The following PARD3B variants were observed in gnomAD, a reference collection of about 807,000 sequenced individuals.
The protein encoded by PARD3B is par-3 family cell polarity regulator beta.
PARD3B carries 103 observed loss-of-function variants against 130.2 expected under a neutral mutation model. That is an observed-to-expected ratio of 0.79 (90% CI 0.67 to 0.93). PARD3B has a LOEUF of 0.93. Among genes scored for constraint, PARD3B ranks in the 40% least tolerant of loss-of-function variants. The pLI, the probability that PARD3B is intolerant of heterozygous loss-of-function variation, is 0.00. For missense variants in PARD3B, 1,609 were observed against 1,499.2 expected (o/e 1.07, Z -1.21); for synonymous variants, 583 against 553.2 (o/e 1.05, Z -0.76).
chr2:205,180,822 G>A (rs2035747326), intron 13 of PARD3B, among the ~76,000 whole-genome samples: 1 of 152,126 alleles, frequency 6.6e-6, no homozygotes, highest in Non-Finnish European at 1.5e-5. Context: ...AGCAATGCCG[G>A]TAGTGAAATA....
chr2:204,923,601 A>T (rs192701309), intron 2 of PARD3B, among the ~76,000 whole-genome samples: 1 of 152,208 alleles, frequency 6.6e-6, no homozygotes, highest in East Asian at 1.9e-4. Flanking sequence ...TAGGAAGGCA[A>T]TGTCTTAAAA....
chr2:205,464,151 T>C (rs1257076453), intron 20 of PARD3B, among the ~76,000 whole-genome samples: 1 of 152,110 alleles, frequency 6.6e-6, no homozygotes, highest in Non-Finnish European at 1.5e-5. Flanking sequence ...ATTCTGTACA[T>C]CTGGCTCTAT....
chr2:204,714,573 C>T (rs145176816), intron 2 of PARD3B, among the ~76,000 whole-genome samples: 7 of 152,230 alleles, frequency 4.6e-5, no homozygotes, highest in South Asian at 4.1e-4. Flanking sequence ...TTCCTTTCCA[C>T]AAAGAAAGAA....
At position 204,943,012 on chromosome 2, in the gene PARD3B, G is replaced by GGT. The variant is rs1689031470; in HGVS notation, c.223-22140_223-22139insGT. Among the ~76,000 whole-genome samples the GGT allele has an allele frequency of 6.6e-6, 1 of 151,144 alleles. No homozygotes were observed. Among genetic ancestry groups the GGT allele is most frequent in the Non-Finnish European group, 1.5e-5 (1 of 67,990 alleles). On this transcript the variant is annotated intron_variant, in intron 2 of 22. Coordinates refer to ENST00000406610, the MANE Select transcript of PARD3B (RefSeq NM_001302769.2). The surrounding 1 kb of genome is among the most constrained non-coding windows in gnomAD (Gnocchi z 4.2). The stretch of plus-strand genomic sequence containing the variant: ...TTACCTCCAGAACCAGGCTGCACAT[G>GGT]TCCCCCTGAAAAATAAAAATTAAAA...
chr2:205,163,470 G>A (rs762458002), intron 11 of PARD3B, among the ~76,000 whole-genome samples: 2 of 152,192 alleles, frequency 1.3e-5, no homozygotes, highest in Non-Finnish European at 2.9e-5. Flanking sequence ...TGATTCTTGT[G>A]TGCTTAGGAA....
chr2:205,165,421 A>G (rs2034751652), intron 11 of PARD3B, among the ~76,000 whole-genome samples: 1 of 152,190 alleles, frequency 6.6e-6, no homozygotes, highest in Admixed American at 6.6e-5. Context: ...ATATTTTTCC[A>G]GAATGATTTT....
At chr2:204,795,725 A>G (rs956621955) in intron 2 of PARD3B, among the ~76,000 whole-genome samples, 1 of 152,208 alleles carries the variant, frequency 6.6e-6, no homozygotes, top group African/African-American at 2.4e-5. Flanking sequence ...TTAAGCTCGT[A>G]TTGAGACAAT....
At chr2:205,404,064 A>G (rs552013207) in intron 19 of PARD3B, among the ~76,000 whole-genome samples, 1 of 152,332 alleles carries the variant, frequency 6.6e-6, no homozygotes, top group South Asian at 2.1e-4. Context: ...TATAAAAACT[A>G]TTAAAACCAT....
chr2:204,930,205 T>C (rs1166174130), intron 2 of PARD3B, among the ~76,000 whole-genome samples: 1 of 151,952 alleles, frequency 6.6e-6, no homozygotes, highest in East Asian at 1.9e-4. Flanking sequence ...ATTCTATGTT[T>C]TTTTTTTCCT....
At chr2:205,570,020 T>C (rs193246970) in intron 22 of PARD3B, among the ~76,000 whole-genome samples, 181 of 152,206 alleles carry the variant, frequency 1.2e-3, no homozygotes, top group African/African-American at 4.1e-3. Context: ...ATGTATAACA[T>C]TGGGAGTTGC....
intron 16 of PARD3B, among the ~76,000 whole-genome samples, chr2:205,272,083 G>A (rs1443756847): frequency 2.6e-5 from 4 of 151,684 alleles, no homozygotes; most frequent in Non-Finnish European, 4.4e-5. Context: ...GTTTGAACCC[G>A]GGAGGCAGAG....
At chr2:204,736,981 C>T (rs914563275) in intron 2 of PARD3B, among the ~76,000 whole-genome samples, 1 of 152,022 alleles carries the variant, frequency 6.6e-6, no homozygotes, top group Non-Finnish European at 1.5e-5. Flanking sequence ...GAGTTTTGCC[C>T]TTGTTGCCCA....
At chr2:204,607,552 G>C (rs143630357) in intron 1 of PARD3B, among the ~76,000 whole-genome samples, 68 of 152,240 alleles carry the variant, frequency 4.5e-4, no homozygotes, top group African/African-American at 1.6e-3. Flanking sequence ...AGCAGTGCAC[G>C]TGTATCTACT....
At chr2:205,358,744 T>C (rs1181394881) in intron 18 of PARD3B, among the ~76,000 whole-genome samples, 1 of 152,202 alleles carries the variant, frequency 6.6e-6, no homozygotes, top group Non-Finnish European at 1.5e-5. Context: ...TTTGAATAAT[T>C]CCTGTTTCAT....
chr2:205,191,907 G>T (rs534712374), intron 14 of PARD3B, among the ~76,000 whole-genome samples: 1 of 152,086 alleles, frequency 6.6e-6, no homozygotes, highest in Non-Finnish European at 1.5e-5. Context: ...AAGCTGGAGG[G>T]AAGAGGTGCA....
intron 1 of PARD3B, among the ~76,000 whole-genome samples, chr2:204,614,082 C>T (rs1046614490): frequency 2.0e-5 from 3 of 151,928 alleles, no homozygotes; most frequent in African/African-American, 7.3e-5. Flanking sequence ...CTCTATAGAG[C>T]AGCAGTTCCT....
chr2:205,513,531 T>TTATC (rs1385180195), intron 21 of PARD3B, among the ~76,000 whole-genome samples: 2 of 152,114 alleles, frequency 1.3e-5, no homozygotes, highest in African/African-American at 4.8e-5. Flanking sequence ...CTTAAAGATT[T>TTATC]TATCTGCAAA....
chr2:204,650,373 T>A (rs991335580), intron 1 of PARD3B, among the ~76,000 whole-genome samples: 3 of 152,140 alleles, frequency 2.0e-5, no homozygotes, highest in African/African-American at 7.2e-5. Flanking sequence ...GAATGACCAT[T>A]CAACCCAGCA....
intron 4 of PARD3B, among the ~76,000 whole-genome samples, chr2:205,090,959 C>T (rs1424117368): frequency 6.6e-6 from 1 of 152,196 alleles, no homozygotes; most frequent in Admixed American, 6.5e-5. Context: ...CAAACAATTG[C>T]TCAACTAACT....
Sources: gnomAD v4.1 joint callset for allele counts (sites outside exome capture counted in the v4.1 genomes callset) on GRCh38, gnomAD v4.1.1 for gene constraint, Gnocchi (gnomAD v3.1) non-coding constraint, MANE v1.5 for transcripts, NCBI Gene and HGNC (gene_info 2026-07-23, HGNC 2026-07-21) for gene names.